The following TAF2 variants were observed in gnomAD, a reference collection of about 807,000 sequenced individuals.
TAF2 encodes the protein TATA-box binding protein associated factor 2.
Under a neutral mutation model 138.5 loss-of-function variants are expected in TAF2, and 61 were observed. The ratio of observed to expected loss-of-function variants is 0.44; its 90% CI spans 0.36 to 0.54. The LOEUF is 0.54. Among genes scored for constraint, TAF2 ranks in the 20% least tolerant of loss-of-function variants. The pLI, the probability that TAF2 is intolerant of heterozygous loss-of-function variation, is 0.00. For missense variants in TAF2, 1,090 were observed against 1,427.9 expected (o/e 0.76, Z 3.81); for synonymous variants, 475 against 469.9 (o/e 1.01, Z -0.14).
chr8:119,744,420 G>T, intron 23 of TAF2, 27 bp from the exon 24 acceptor site: 4 of 1,585,596 alleles, frequency 2.5e-6, no homozygotes, highest in Non-Finnish European at 2.6e-6. Context: ...TAAAACAGAG[G>T]ATAAAAGAAC....
chr8:119,801,718 G>A (rs562360676), intron 6 of TAF2, 76 bp downstream of exon 6: 75 of 1,421,502 alleles, frequency 5.3e-5, no homozygotes, highest in African/African-American at 2.0e-4. Context: ...ATGAGCCACC[G>A]TGCCTTGCCA....
chr8:119,772,039 TC>T (rs1230161451), intron 18 of TAF2, among the ~76,000 whole-genome samples: 1 of 152,096 alleles, frequency 6.6e-6, no homozygotes, highest in African/African-American at 2.4e-5. Context: ...AGAGGAACTC[TC>T]AAAACTACAT....
intron 14 of TAF2, among the ~76,000 whole-genome samples, chr8:119,787,390 A>T (rs1179076894): frequency 6.6e-6 from 1 of 151,734 alleles, no homozygotes; most frequent in African/African-American, 2.4e-5. Context: ...AAAAACAAAC[A>T]AACAAAAAAA....
At chr8:119,750,938 A>C (rs1820309162) in intron 22 of TAF2, among the ~76,000 whole-genome samples, 1 of 152,212 alleles carries the variant, frequency 6.6e-6, no homozygotes, top group Non-Finnish European at 1.5e-5. Context: ...TGGAAGCAAC[A>C]GCTAAAATTT....
chr8:119,738,881 T>C (rs1819406765), intron 25 of TAF2, among the ~76,000 whole-genome samples: 2 of 152,030 alleles, frequency 1.3e-5, no homozygotes, highest in Non-Finnish European at 2.9e-5. Context: ...GTTCTTCAGA[T>C]TGTTTAGATC....
chr8:119,764,875 G>C (rs1397105386), intron 18 of TAF2, among the ~76,000 whole-genome samples: 2 of 151,840 alleles, frequency 1.3e-5, no homozygotes, highest in Non-Finnish European at 2.9e-5. Flanking sequence ...GGGAAAAAAG[G>C]AACACTAAAA....
rs185449228 is a variant in TAF2, at chr8:119,775,690, G to A, written c.2364+2329C>T. Among the ~76,000 whole-genome samples the A allele has an allele frequency of 1.5e-3, 230 of 151,852 alleles. 1 individual carries two copies. Among genetic ancestry groups the A allele is most frequent in the Admixed American group, 8.3e-3 (126 of 15,236 alleles). ...CGTACTCCAGTCTGGGTGACAGAGC[G>A]AGATTCCGTCTCAAAAAAGAATAAT... On this transcript the variant is annotated intron_variant, in intron 18 of 25. Coordinates refer to ENST00000378164, the MANE Select transcript of TAF2 (RefSeq NM_003184.4).
intron 23 of TAF2, among the ~76,000 whole-genome samples, chr8:119,745,609 AAATATTGGTG>A (rs1484686808): frequency 6.6e-6 from 1 of 152,174 alleles, no homozygotes; most frequent in African/African-American, 2.4e-5. Flanking sequence ...AATCTGGTCT[AAATATTGGTG>A]AAAAATGAAG....
chr8:119,829,448 G>C (rs557722205), intron 2 of TAF2, among the ~76,000 whole-genome samples: 1 of 152,038 alleles, frequency 6.6e-6, no homozygotes, highest in South Asian at 2.1e-4. Context: ...TAGCTCAGAG[G>C]GTTCCTCCAC....
intron 16 of TAF2, among the ~76,000 whole-genome samples, chr8:119,782,399 T>C (rs1586419926): frequency 6.6e-6 from 1 of 152,230 alleles, no homozygotes; most frequent in South Asian, 2.1e-4. Flanking sequence ...ATCACAAAGA[T>C]CTTTATAGAA....
At chr8:119,812,847 G>C (rs1328741862) in intron 3 of TAF2, among the ~76,000 whole-genome samples, 1 of 151,754 alleles carries the variant, frequency 6.6e-6, no homozygotes, top group African/African-American at 2.4e-5. Flanking sequence ...CCACTCATCA[G>C]TTAAATGTGG....
In TAF2 at chr8:119,762,441, C is replaced by T. The variant is rs556150398; in HGVS notation, c.2532G>A (p.Pro844=). The change falls in exon 19 of 26, where the codon CCG becomes CCA. Residue 844 remains proline (P), a synonymous_variant. Coordinates refer to ENST00000378164, the MANE Select transcript of TAF2 (RefSeq NM_003184.4). Reference sequence around the variant, plus strand: ...TGACAGTGATGGTATGCCTGTAACTCGGAAGAAGTTTTTCCATATTCAAAA... The same window carrying T: ...TGACAGTGATGGTATGCCTGTAACTTGGAAGAAGTTTTTCCATATTCAAAA... ...TRFLNMEKLL[P]SYRHTITVSC... 14 of 1,613,818 alleles carry T rather than the reference C, an allele frequency of 8.7e-6. No individual in the cohort carries two copies. The highest frequency in any genetic ancestry group is 6.7e-5 in the East Asian group (3 of 44,822).
At chr8:119,773,735 C>T (rs1288228484) in intron 18 of TAF2, among the ~76,000 whole-genome samples, 2 of 151,554 alleles carry the variant, frequency 1.3e-5, no homozygotes, top group African/African-American at 2.4e-5. Context: ...TGTTCTTTCA[C>T]CTCAACAACT....
chr8:119,756,175 G>C (rs1382781832), intron 21 of TAF2, 60 bp from the exon 22 acceptor site: 1 of 1,185,152 alleles, frequency 8.4e-7, no homozygotes, highest in Non-Finnish European at 1.3e-6. Context: ...GCTATGAGTA[G>C]GAGACAACAT....
chr8:119,829,144 G>C (rs1294930507), intron 2 of TAF2, among the ~76,000 whole-genome samples: 1 of 152,126 alleles, frequency 6.6e-6, no homozygotes, highest in Non-Finnish European at 1.5e-5. Context: ...TGCCCCTCCT[G>C]ATCTGCTCTC....
In TAF2 at chr8:119,814,017, G is replaced by A. The variant is rs1046599556; in HGVS notation, c.299+5329C>T. Among the ~76,000 whole-genome samples the A allele has an allele frequency of 3.9e-5, 6 of 152,164 alleles. No homozygotes were observed. The South Asian group carries it at 6.2e-4, about 16-fold the overall frequency. ...CATGCACATATTGTTCCAGCTACTC[G>A]AGAAGCTAAGGTAGATGATGGCTTC... On this transcript the variant is annotated intron_variant, in intron 3 of 25. Coordinates refer to ENST00000378164, the MANE Select transcript of TAF2 (RefSeq NM_003184.4).
chr8:119,810,211 T>C (rs1225343163), intron 3 of TAF2, among the ~76,000 whole-genome samples: 4 of 152,066 alleles, frequency 2.6e-5, no homozygotes, highest in African/African-American at 9.7e-5. Flanking sequence ...CCCCAAAAAG[T>C]CCCTTATGCT....
At chr8:119,788,948 T>C in intron 12 of TAF2, 44 bp from the exon 13 acceptor site, 1 of 1,254,538 alleles carries the variant, frequency 8.0e-7, no homozygotes, top group Admixed American at 1.7e-5. Context: ...AACGAATATG[T>C]ACTAAACAAA....
Position 119,815,180 on chromosome 8 carries a change from G to T in TAF2, c.299+4166C>A, listed in dbSNP as rs1325979651. ...GCCTGTAATCCCAGCTACTCGGGAG[G>T]GTGAGGCAGGAGGATCACTTGAACC... On this transcript the variant is annotated intron_variant, in intron 3 of 25. Transcript: ENST00000378164. Among the ~76,000 whole-genome samples, 3 of 151,992 alleles carry T rather than the reference G, an allele frequency of 2.0e-5. No individual in the cohort carries two copies. In the East Asian group the frequency reaches 5.9e-4, roughly 30 times the overall value.
Sources: allele counts gnomAD v4.1 joint callset (sites outside exome capture counted in the v4.1 genomes callset), GRCh38; gene constraint gnomAD v4.1.1; transcripts MANE v1.5; gene names NCBI Gene and HGNC (gene_info 2026-07-23, HGNC 2026-07-21).